The following MBNL1 variants were observed in gnomAD, a reference collection of about 807,000 sequenced individuals.
MBNL1 encodes the protein muscleblind like splicing regulator 1, also known as muscleblind-like protein 1.
MBNL1 carries 8 observed loss-of-function variants against 42.2 expected under a neutral mutation model. The ratio of observed to expected loss-of-function variants is 0.19; its 90% CI spans 0.11 to 0.34. The LOEUF (loss-of-function observed/expected upper bound fraction) is 0.34, where lower values mean the gene tolerates loss of function less well. MBNL1 is among the 10% of genes least tolerant of loss of function. The pLI is 1.00. For synonymous variants in MBNL1, 169 were observed against 173.9 expected, an observed-to-expected ratio of 0.97 and a Z score of 0.22; for missense variants, 309 against 495.3, an observed-to-expected ratio of 0.62 and a Z score of 3.57.
intron 2 of MBNL1, among the ~76,000 whole-genome samples, chr3:152,308,454 T>A (rs950343089): frequency 6.6e-6 from 1 of 152,180 alleles, no homozygotes; most frequent in African/African-American, 2.4e-5. Context: ...CTGCTTCTGT[T>A]TCCTGAAGCT....
rs575183446 is a variant in MBNL1 at position 152,461,956 on chromosome 3, A to C, written c.*19-429A>C. ...CATTATGCTAATCAAGCACCCAAAA[A>C]GAATAAATCTTGTTTAATAGAACAT... On this transcript the variant is annotated intron_variant, in intron 9 of 9. Transcript: ENST00000324210. Among the ~76,000 whole-genome samples the C allele has an allele frequency of 2.6e-5, 4 of 152,324 alleles. No individual in the cohort carries two copies. In the South Asian group the frequency reaches 8.3e-4, roughly 32 times the overall value.
chr3:152,384,344 G>T (rs1479628393), intron 2 of MBNL1, among the ~76,000 whole-genome samples: 1 of 152,030 alleles, frequency 6.6e-6, no homozygotes, highest in Non-Finnish European at 1.5e-5. Context: ...ATCCTCAGAA[G>T]TTGCTGCTTC....
Position 152,463,700 on chromosome 3 carries a change from A to G in MBNL1, c.*1334A>G, listed in dbSNP as rs78742015. On this transcript the variant is annotated 3_prime_UTR_variant, in exon 10 of 10. Coordinates refer to ENST00000324210, the MANE Select transcript of MBNL1 (RefSeq NM_021038.5). ...AGCCTTTTACAAAATTAAAAAAAAA[A>G]TAGATGTGCATTCAGTTTTTAAGAA... 1 of 152,544 alleles carries G rather than the reference A, an allele frequency of 6.6e-6. No homozygotes were observed. Among genetic ancestry groups the G allele is most frequent in the African/African-American group, 2.4e-5 (1 of 41,566 alleles). The allele number at this position is 152,544 out of a possible 1,614,324, so 9.4% of individuals were successfully genotyped here. A position where few individuals can be genotyped will look rare whatever the true frequency, so the allele number is the denominator to read the frequency against.
intron 2 of MBNL1, among the ~76,000 whole-genome samples, chr3:152,258,696 T>A (rs1381272812): frequency 6.6e-6 from 1 of 152,246 alleles, no homozygotes; most frequent in Non-Finnish European, 1.5e-5. Context: ...GTGTTTTCCT[T>A]TTAGTCACTG....
chr3:152,423,345 T>C (rs754011410), intron 3 of MBNL1, among the ~76,000 whole-genome samples: 1 of 152,106 alleles, frequency 6.6e-6, no homozygotes, highest in Non-Finnish European at 1.5e-5. Context: ...AATAGATAAA[T>C]TCCTGGACAC....
intron 2 of MBNL1, among the ~76,000 whole-genome samples, chr3:152,329,598 A>G (rs1053890789): frequency 1.3e-5 from 2 of 150,792 alleles, no homozygotes; most frequent in Non-Finnish European, 3.0e-5. Context: ...GCAGTGAGCC[A>G]TGATCAGCCA....
chr3:152,311,488 A>G (rs1408141501), intron 2 of MBNL1, among the ~76,000 whole-genome samples: 2 of 152,168 alleles, frequency 1.3e-5, no homozygotes, highest in East Asian at 1.9e-4. Context: ...CTCTTTGACA[A>G]TGATTCATAT....
intron 2 of MBNL1, among the ~76,000 whole-genome samples, chr3:152,249,512 A>C (rs1319302642): frequency 2.8e-5 from 3 of 105,842 alleles, no homozygotes; most frequent in African/African-American, 9.2e-5. Context: ...TAGATTCTGG[A>C]TATTAGCCCT....
intron 2 of MBNL1, among the ~76,000 whole-genome samples, chr3:152,362,750 A>G (rs1173859519): frequency 1.3e-5 from 2 of 152,134 alleles, no homozygotes; most frequent in African/African-American, 4.8e-5. Flanking sequence ...CTGCTTGAGA[A>G]CCATAGTTGC....
At chr3:152,361,867 G>A (rs992522319) in intron 2 of MBNL1, among the ~76,000 whole-genome samples, 2 of 152,144 alleles carry the variant, frequency 1.3e-5, no homozygotes, top group African/African-American at 4.8e-5. Flanking sequence ...TGATGCCTCA[G>A]CCAATTTATC....
At chr3:152,282,117 T>C (rs976012748) in intron 1 of MBNL1, among the ~76,000 whole-genome samples, 1 of 152,178 alleles carries the variant, frequency 6.6e-6, no homozygotes, top group African/African-American at 2.4e-5. Context: ...AAATTTGCTC[T>C]GAAATATTGA....
At chr3:152,256,859 T>TA (rs969527988) in intron 2 of MBNL1, among the ~76,000 whole-genome samples, 1 of 151,930 alleles carries the variant, frequency 6.6e-6, no homozygotes, top group African/African-American at 2.4e-5. Context: ...AAGCCGCCCA[T>TA]AAAAAACATT....
At chr3:152,403,659 G>A (rs2098326633) in intron 2 of MBNL1, among the ~76,000 whole-genome samples, 1 of 152,068 alleles carries the variant, frequency 6.6e-6, no homozygotes, top group South Asian at 2.1e-4. Context: ...TAGGTATGGG[G>A]GTGGAGTGCA....
At chr3:152,248,607 A>AT (rs1473396125) in intron 2 of MBNL1, among the ~76,000 whole-genome samples, 2 of 151,706 alleles carry the variant, frequency 1.3e-5, no homozygotes, top group African/African-American at 4.8e-5. Flanking sequence ...TTTTTTTCAA[A>AT]TAAAATTTTT....
chr3:152,425,398 C>T (rs897623114), intron 3 of MBNL1, among the ~76,000 whole-genome samples: 1 of 151,702 alleles, frequency 6.6e-6, no homozygotes, highest in African/African-American at 2.4e-5. Flanking sequence ...CCAGGGCAGC[C>T]GAGATCAAGA....
chr3:152,351,426 T>G (rs1371082175), intron 2 of MBNL1, among the ~76,000 whole-genome samples: 3 of 152,218 alleles, frequency 2.0e-5, no homozygotes, highest in African/African-American at 7.2e-5. Flanking sequence ...AAATGTTGTC[T>G]GCCTCTCATG....
chr3:152,335,149 G>C, intron 2 of MBNL1: 2 of 1,289,644 alleles, frequency 1.6e-6, no homozygotes, highest in Non-Finnish European at 2.0e-6. Flanking sequence ...GAACCTTCTG[G>C]ATCCTTTTCA....
chr3:152,362,483 A>G (rs1032603856), intron 2 of MBNL1, among the ~76,000 whole-genome samples: 2 of 152,176 alleles, frequency 1.3e-5, no homozygotes, highest in African/African-American at 4.8e-5. Context: ...AATACACCAA[A>G]AGAGCTTATT....
At chr3:152,404,246 C>G (rs2098351072) in intron 2 of MBNL1, among the ~76,000 whole-genome samples, 1 of 152,052 alleles carries the variant, frequency 6.6e-6, no homozygotes, top group African/African-American at 2.4e-5. Context: ...TAAATGGCAG[C>G]CAAAATTTTA....
Sources: allele counts gnomAD v4.1 joint callset (sites outside exome capture counted in the v4.1 genomes callset), GRCh38; gene constraint gnomAD v4.1.1; transcripts MANE v1.5; gene names NCBI Gene and HGNC (gene_info 2026-07-23, HGNC 2026-07-21).